Variants in GABRB1 observed in about 807,000 individuals in gnomAD.
GABRB1 encodes the protein gamma-aminobutyric acid receptor subunit beta-1.
Under a neutral mutation model 51.6 loss-of-function variants are expected in GABRB1, and 17 were observed. That is an observed-to-expected ratio of 0.33 (90% CI 0.23 to 0.49). GABRB1 has a LOEUF of 0.49. Ranked by LOEUF, GABRB1 falls within the 20% of genes least tolerant of loss-of-function variation. The pLI is 0.99. For synonymous variants in GABRB1, 247 were observed against 218.9 expected (o/e 1.13, Z -1.14); for missense variants, 410 against 600.6 (o/e 0.68, Z 3.32).
chr4:47,400,988 G>A (rs201719137), intron 5 of GABRB1, among the ~76,000 whole-genome samples: 1 of 142,796 alleles, frequency 7.0e-6, no homozygotes, highest in African/African-American at 2.7e-5. Flanking sequence ...GAGTGCAATG[G>A]CACGATCTCC....
At chr4:47,403,538 G>T in intron 6 of GABRB1, 21 bp from the exon 7 acceptor site, 1 of 1,613,702 alleles carries the variant, frequency 6.2e-7, no homozygotes, top group East Asian at 2.2e-5. Flanking sequence ...CTGATTACTT[G>T]TCTTTTGTTT....
At chr4:47,026,531 C>T (rs1369759192) in intron 1 of GABRB1, among the ~76,000 whole-genome samples, 2 of 152,054 alleles carry the variant, frequency 1.3e-5, no homozygotes, top group East Asian at 3.9e-4. Flanking sequence ...TTAAATGATG[C>T]TCTACAAACA....
intron 3 of GABRB1, among the ~76,000 whole-genome samples, chr4:47,114,199 G>A (rs1295696848): frequency 1.7e-5 from 1 of 57,694 alleles, no homozygotes. Context: ...ATTCCAAGGC[G>A]TATGAAGAGA....
chr4:47,360,339 A>G (rs1578121681), intron 5 of GABRB1, among the ~76,000 whole-genome samples: 1 of 152,146 alleles, frequency 6.6e-6, no homozygotes, highest in East Asian at 1.9e-4. Context: ...AATTGATGAC[A>G]AGAGTGCTGC....
At chr4:47,127,503 C>T (rs1054300477) in intron 3 of GABRB1, among the ~76,000 whole-genome samples, 2 of 151,738 alleles carry the variant, frequency 1.3e-5, no homozygotes, top group Non-Finnish European at 3.0e-5. Flanking sequence ...GTTTTATTCA[C>T]CGCCACCACC....
intron 3 of GABRB1, among the ~76,000 whole-genome samples, chr4:47,123,540 TTATAATA>T (rs1715907089): frequency 1.2e-5 from 1 of 85,712 alleles, no homozygotes; most frequent in African/African-American, 4.8e-5. Context: ...ATTTCATATA[TTATAATA>T]TATTATATAT....
chr4:47,188,560 G>A (rs1269267147), intron 4 of GABRB1, among the ~76,000 whole-genome samples: 7 of 151,758 alleles, frequency 4.6e-5, no homozygotes, highest in Admixed American at 4.6e-4. Context: ...TACTCTTCAA[G>A]TTCATTGGTT....
intron 4 of GABRB1, among the ~76,000 whole-genome samples, chr4:47,283,685 G>A (rs1478908878): frequency 2.0e-5 from 3 of 151,884 alleles, no homozygotes; most frequent in Admixed American, 6.6e-5. Context: ...ACCGCACCCG[G>A]CCTCTGGGGG....
chr4:47,235,333 C>T (rs1329098875), intron 4 of GABRB1, among the ~76,000 whole-genome samples: 5 of 152,104 alleles, frequency 3.3e-5, no homozygotes, highest in African/African-American at 1.2e-4. Flanking sequence ...GGGCAGATCA[C>T]GAGGTCAGAA....
chr4:47,422,125 G>A (rs1729110047), intron 8 of GABRB1, among the ~76,000 whole-genome samples: 1 of 151,186 alleles, frequency 6.6e-6, no homozygotes, highest in South Asian at 2.1e-4. Flanking sequence ...CAAATCCCCA[G>A]CAAACATTAG....
intron 5 of GABRB1, among the ~76,000 whole-genome samples, chr4:47,348,154 G>T (rs193205249): frequency 6.6e-6 from 1 of 152,184 alleles, no homozygotes; most frequent in Non-Finnish European, 1.5e-5. Flanking sequence ...GGTGGAGGCT[G>T]TCCTGTTTGT....
chr4:47,103,508 A>C (rs1443660367), intron 3 of GABRB1, among the ~76,000 whole-genome samples: 2 of 151,988 alleles, frequency 1.3e-5, no homozygotes, highest in Non-Finnish European at 2.9e-5. Context: ...TCATTATGCT[A>C]TTCTATTTAA....
intron 5 of GABRB1, among the ~76,000 whole-genome samples, chr4:47,375,376 A>G (rs1282233744): frequency 6.6e-6 from 1 of 152,220 alleles, no homozygotes; most frequent in Non-Finnish European, 1.5e-5. Flanking sequence ...AGTAATAGAG[A>G]CAGAAAACAG....
At chr4:47,332,963 T>C (rs1321206068) in intron 5 of GABRB1, among the ~76,000 whole-genome samples, 2 of 151,708 alleles carry the variant, frequency 1.3e-5, no homozygotes, top group East Asian at 3.9e-4. Flanking sequence ...TGCCTTGAAA[T>C]AGGTGGACCA....
At chr4:47,143,410 A>C (rs1717015137) in intron 3 of GABRB1, among the ~76,000 whole-genome samples, 1 of 151,738 alleles carries the variant, frequency 6.6e-6, no homozygotes, top group Non-Finnish European at 1.5e-5. Context: ...CCAAAATGTC[A>C]AGTGTTTCTG....
intron 4 of GABRB1, among the ~76,000 whole-genome samples, chr4:47,301,175 A>G (rs545583016): frequency 1.3e-5 from 2 of 152,292 alleles, no homozygotes; most frequent in South Asian, 4.1e-4. Context: ...CCAAAAAGAC[A>G]CACCAACCTT....
At chr4:47,381,166 C>A (rs755627251) in intron 5 of GABRB1, among the ~76,000 whole-genome samples, 1 of 152,108 alleles carries the variant, frequency 6.6e-6, no homozygotes, top group African/African-American at 2.4e-5. Context: ...ACTACAGAAG[C>A]CTCACCCTTG....
At chr4:47,299,599 G>A (rs1724162911) in intron 4 of GABRB1, among the ~76,000 whole-genome samples, 1 of 152,146 alleles carries the variant, frequency 6.6e-6, no homozygotes, top group Non-Finnish European at 1.5e-5. Flanking sequence ...AACAGGTGCT[G>A]GAGAGGATGT....
At chr4:47,357,070 A>G (rs528423022) in intron 5 of GABRB1, among the ~76,000 whole-genome samples, 1 of 152,284 alleles carries the variant, frequency 6.6e-6, no homozygotes, top group African/African-American at 2.4e-5. Flanking sequence ...CATTTTTTCT[A>G]ATTTCAAAGT....
Sources: allele counts gnomAD v4.1 joint callset (sites outside exome capture counted in the v4.1 genomes callset), GRCh38; gene constraint gnomAD v4.1.1; transcripts MANE v1.5; gene names NCBI Gene and HGNC (gene_info 2026-07-23, HGNC 2026-07-21).